The following RBMS3 variants were observed in gnomAD, a reference collection of about 807,000 sequenced individuals.
RBMS3 encodes the protein RNA binding motif single stranded interacting protein 3.
Under a neutral mutation model 66.8 loss-of-function variants are expected in RBMS3, and 27 were observed. The ratio of observed to expected loss-of-function variants is 0.40; its 90% CI spans 0.30 to 0.56. The LOEUF (loss-of-function observed/expected upper bound fraction) is 0.56. RBMS3 is among the 20% of genes least tolerant of loss of function. The pLI, the probability that RBMS3 is intolerant of heterozygous loss-of-function variation, is 0.40. For synonymous variants in RBMS3, 188 were observed against 183.0 expected (o/e 1.03, Z -0.22); for missense variants, 513 against 549.5 (o/e 0.93, Z 0.66).
In RBMS3 at chr3:29,993,346, G is replaced by A. The variant is rs572332673; in HGVS notation, c.1307+2137G>A. On this transcript the variant is annotated intron_variant, in intron 14 of 14. Coordinates refer to ENST00000383767, the MANE Select transcript of RBMS3 (RefSeq NM_001003793.3). Reference sequence around the variant, plus strand: ...CAACGGGTTATATGTGGGGAAAGGAGCAGATATTGGCTATGTATAAAGCAT... The same window carrying A: ...CAACGGGTTATATGTGGGGAAAGGAACAGATATTGGCTATGTATAAAGCAT... Among the ~76,000 whole-genome samples the A allele has an allele frequency of 2.6e-4, 39 of 151,582 alleles. No individual in the cohort carries two copies. In the South Asian group the frequency reaches 7.5e-3, roughly 29 times the overall value.
At chr3:29,284,867 T>C (rs796214555) in intron 1 of RBMS3, among the ~76,000 whole-genome samples, 1 of 133,844 alleles carries the variant, frequency 7.5e-6, no homozygotes, top group African/African-American at 2.6e-5. Context: ...TTTTTCTTTT[T>C]TTTTTTTTTT....
intron 1 of RBMS3, among the ~76,000 whole-genome samples, chr3:29,320,785 A>G (rs1370290790): frequency 6.6e-6 from 1 of 152,036 alleles, no homozygotes; most frequent in Non-Finnish European, 1.5e-5. Context: ...GTGGAGGGCT[A>G]TTAAGAGGTA....
intron 2 of RBMS3, among the ~76,000 whole-genome samples, chr3:29,450,362 A>G (rs2125758296): frequency 6.6e-6 from 1 of 152,308 alleles, no homozygotes; most frequent in African/African-American, 2.4e-5. Context: ...AGTTGCCCCA[A>G]TGTTTTTATG....
intron 1 of RBMS3, among the ~76,000 whole-genome samples, chr3:29,353,372 A>G (rs1341099099): frequency 6.6e-6 from 1 of 151,972 alleles, no homozygotes; most frequent in African/African-American, 2.4e-5. Flanking sequence ...GGAGTTTTTT[A>G]TTATTAATAT....
chr3:29,622,252 C>T (rs1344101544), intron 4 of RBMS3, among the ~76,000 whole-genome samples: 1 of 152,016 alleles, frequency 6.6e-6, no homozygotes, highest in Admixed American at 6.6e-5. Context: ...AAGACAGAGC[C>T]TGAAAAAATA....
intron 10 of RBMS3, among the ~76,000 whole-genome samples, chr3:29,909,080 A>G (rs1343745679): frequency 1.3e-5 from 2 of 152,116 alleles, no homozygotes; most frequent in Non-Finnish European, 2.9e-5. Flanking sequence ...GAGAGTCTCA[A>G]GTTATTTCAA....
chr3:29,739,587 C>T (rs983262615), intron 4 of RBMS3, 133 bp from the exon 5 acceptor site: 5 of 679,964 alleles, frequency 7.4e-6, no homozygotes, highest in African/African-American at 7.3e-5. Flanking sequence ...AGAAGTAATG[C>T]CCCTAGTGAA....
intron 8 of RBMS3, among the ~76,000 whole-genome samples, chr3:29,886,365 G>A (rs1473336528): frequency 3.3e-5 from 5 of 151,838 alleles, no homozygotes; most frequent in East Asian, 3.9e-4. Context: ...CATGTAGTCC[G>A]AGGTAGAGCT....
chr3:29,837,696 ATATATATATATG>A (rs1400212019), intron 6 of RBMS3, among the ~76,000 whole-genome samples: 4 of 108,594 alleles, frequency 3.7e-5, no homozygotes, highest in African/African-American at 1.1e-4. Flanking sequence ...ATATATATAT[ATATATATATATG>A]CTTATTAGCT....
chr3:29,336,433 T>C (rs2035952097), intron 1 of RBMS3, among the ~76,000 whole-genome samples: 1 of 152,102 alleles, frequency 6.6e-6, no homozygotes, highest in Non-Finnish European at 1.5e-5. Flanking sequence ...CATGCCAATA[T>C]TGATTTTGCT....
At chr3:29,659,784 T>G (rs986690121) in intron 4 of RBMS3, among the ~76,000 whole-genome samples, 3 of 152,086 alleles carry the variant, frequency 2.0e-5, no homozygotes, top group Admixed American at 6.5e-5. Context: ...AATTCCATTT[T>G]TAATATTTTT....
At chr3:29,705,631 C>G (rs757988112) in intron 4 of RBMS3, among the ~76,000 whole-genome samples, 10 of 151,896 alleles carry the variant, frequency 6.6e-5, no homozygotes, top group African/African-American at 1.2e-4. Flanking sequence ...TAGTTATTTC[C>G]TACATTGACT....
rs1191413987 is a variant in RBMS3, at chr3:29,361,765, C to T, written c.76-72978C>T. Among the ~76,000 whole-genome samples the T allele has an allele frequency of 3.9e-5, 6 of 152,218 alleles. No individual in the cohort carries two copies. The South Asian group carries it at 1.2e-3, about 32-fold the overall frequency. ...CTTATTTCTTTTTATTCTTTTTTCTCTAAACTTCTCTTCTCTCTTCATTTC... is the reference window on the plus strand; with the variant it reads ...CTTATTTCTTTTTATTCTTTTTTCTTTAAACTTCTCTTCTCTCTTCATTTC... On this transcript the variant is annotated intron_variant, in intron 1 of 14. Transcript: ENST00000383767.
At chr3:29,840,401 G>A (rs934690258) in intron 6 of RBMS3, among the ~76,000 whole-genome samples, 1 of 151,992 alleles carries the variant, frequency 6.6e-6, no homozygotes, top group African/African-American at 2.4e-5. Flanking sequence ...TTTGTGAGAA[G>A]GGTGGGCTTA....
chr3:29,985,404 G>GAAAA (rs61097302), intron 12 of RBMS3, among the ~76,000 whole-genome samples: 1 of 148,764 alleles, frequency 6.7e-6, no homozygotes, highest in East Asian at 2.0e-4. Context: ...ACTGGGGTAT[G>GAAAA]AAAAAAAAAA....
At chr3:29,560,330 G>A (rs546582970) in intron 3 of RBMS3, among the ~76,000 whole-genome samples, 18 of 152,082 alleles carry the variant, frequency 1.2e-4, no homozygotes, top group Middle Eastern at 3.4e-3. Flanking sequence ...TTACTAACTC[G>A]GATCATGGGA....
intron 6 of RBMS3, among the ~76,000 whole-genome samples, chr3:29,835,079 G>C (rs2058470704): frequency 6.6e-6 from 1 of 151,958 alleles, no homozygotes; most frequent in Admixed American, 6.6e-5. Context: ...AATTCATCAA[G>C]AGGACATAAC....
intron 3 of RBMS3, among the ~76,000 whole-genome samples, chr3:29,551,508 A>C (rs969751599): frequency 6.6e-6 from 1 of 152,198 alleles, no homozygotes; most frequent in African/African-American, 2.4e-5. Context: ...AAATGCTTTA[A>C]AAATTAGAAA....
chr3:29,828,619 G>T (rs1302551174), intron 6 of RBMS3, among the ~76,000 whole-genome samples: 3 of 152,086 alleles, frequency 2.0e-5, no homozygotes, highest in Admixed American at 6.6e-5. Flanking sequence ...TTTAAAATTT[G>T]TATGGCATTC....
Sources: allele counts gnomAD v4.1 joint callset (sites outside exome capture counted in the v4.1 genomes callset), GRCh38; gene constraint gnomAD v4.1.1; transcripts MANE v1.5; gene names NCBI Gene and HGNC (gene_info 2026-07-23, HGNC 2026-07-21).